NAV2: variants seen among roughly 807,000 people sequenced by gnomAD.
The protein encoded by NAV2 is neuron navigator 2, also known as helicase, APC down-regulated 1.
NAV2 carries 54 observed loss-of-function variants against 223.2 expected under a neutral mutation model. The ratio of observed to expected loss-of-function variants is 0.24; its 90% confidence interval spans 0.19 to 0.30. The LOEUF (loss-of-function observed/expected upper bound fraction) is 0.30, where lower values mean the gene tolerates loss of function less well. NAV2 is among the 10% of genes least tolerant of loss of function. The pLI is 1.00. For missense variants in NAV2, 2,806 were observed against 3,147.5 expected (o/e 0.89, Z 2.60); for synonymous variants, 1,279 against 1,239.3 (o/e 1.03, Z -0.67).
In NAV2 at chr11:20,055,905, G is replaced by A; in HGVS notation, c.4779G>A (p.Glu1593=). The A allele has an allele frequency of 6.2e-7, 1 of 1,614,216 alleles. No homozygotes were observed. Among genetic ancestry groups the A allele is most frequent in the Non-Finnish European group, 8.5e-7 (1 of 1,180,040 alleles). The change falls in exon 19 of 38, where the codon GAG becomes GAA. Residue 1593 remains glutamate, a synonymous_variant. Transcript: ENST00000349880. The part of the protein sequence containing the change: ...RFRNSSMSLD[E]KSRTMSRSGS... The stretch of plus-strand genomic sequence containing the variant: ...GGAATAGCTCCATGTCCCTGGATGA[G>A]AAGAGCAGAACCATGAGCCGTTCAG...
At chr11:19,514,587 G>A (rs943414455) in intron 1 of NAV2, among the ~76,000 whole-genome samples, 1 of 152,102 alleles carries the variant, frequency 6.6e-6, no homozygotes, top group African/African-American at 2.4e-5. Context: ...TTGAAGGTGT[G>A]TTTGACATTT....
chr11:19,617,918 C>G (rs2135386654), intron 1 of NAV2, among the ~76,000 whole-genome samples: 2 of 152,326 alleles, frequency 1.3e-5, no homozygotes, highest in East Asian at 3.9e-4. Flanking sequence ...TTGCAGAACC[C>G]AGAACCCTCT....
chr11:19,960,357 C>G (rs538082229), intron 10 of NAV2, among the ~76,000 whole-genome samples: 2 of 152,270 alleles, frequency 1.3e-5, no homozygotes, highest in African/African-American at 4.8e-5. Context: ...GGCATCTTAT[C>G]TAACTCCCAC....
chr11:19,831,230 G>C lies in NAV2; in HGVS notation c.268-1254G>C, dbSNP rs571521065. 1.8e-4 allele frequency among the ~76,000 whole-genome samples: 16 copies of C among 89,790 alleles called. 3 individuals are homozygous for C. In the South Asian group the frequency reaches 2.1e-3, roughly 12 times the overall value. The allele number at this position is 89,790 out of a possible 152,430, so 58.9% of individuals were successfully genotyped here. On this transcript the variant is annotated intron_variant, in intron 1 of 37. Coordinates refer to ENST00000349880, the MANE Select transcript of NAV2 (RefSeq NM_145117.5). ...CCCATTCCAGGAGTGTTGCGGGGGG[G>C]GGGGGGGCGCGATGGGGAGTGGGGG...
intron 10 of NAV2, among the ~76,000 whole-genome samples, chr11:19,982,109 G>C (rs2050346838): frequency 6.6e-6 from 1 of 152,142 alleles, no homozygotes; most frequent in Admixed American, 6.5e-5. Flanking sequence ...TTTAGTGTGA[G>C]AGACATGCAT....
intron 1 of NAV2, among the ~76,000 whole-genome samples, chr11:19,502,387 C>T (rs1281979057): frequency 6.6e-6 from 1 of 152,146 alleles, no homozygotes; most frequent in Non-Finnish European, 1.5e-5. Flanking sequence ...AGCCAAAGAA[C>T]TCTACTGACA....
chr11:19,514,189 C>T (rs974333744), intron 1 of NAV2, among the ~76,000 whole-genome samples: 6 of 152,012 alleles, frequency 3.9e-5, no homozygotes, highest in African/African-American at 1.2e-4. Flanking sequence ...CATCATGATG[C>T]TTTTGTGCAG....
At position 19,630,808 on chromosome 11, in the gene NAV2, C is replaced by T. The variant is rs1215775833; in HGVS notation, c.76-201676C>T. Among the ~76,000 whole-genome samples the T allele has an allele frequency of 2.0e-5, 3 of 151,050 alleles. No homozygotes were observed. The East Asian group carries it at 5.9e-4, about 30-fold the overall frequency. On this transcript the variant is annotated intron_variant, in intron 1 of 37. Coordinates refer to the NAV2 transcript ENST00000360655. ...AGAGGATTGCTTGAGCCTGGGAGGTCGAGGCTGCAGTGAGCCGAGATTTCA... is the reference window on the plus strand; with the variant it reads ...AGAGGATTGCTTGAGCCTGGGAGGTTGAGGCTGCAGTGAGCCGAGATTTCA...
chr11:19,764,980 C>T (rs566008377), intron 1 of NAV2, among the ~76,000 whole-genome samples: 25 of 152,306 alleles, frequency 1.6e-4, no homozygotes, highest in Non-Finnish European at 3.1e-4. Context: ...CTTCACCACA[C>T]TCACTGCTAC....
intron 1 of NAV2, among the ~76,000 whole-genome samples, chr11:19,378,179 G>C (rs1024367188): frequency 4.6e-5 from 7 of 152,186 alleles, no homozygotes; most frequent in Non-Finnish European, 1.0e-4. Context: ...CGCTTCTGCT[G>C]TCACAGCCCC....
intron 1 of NAV2, among the ~76,000 whole-genome samples, chr11:19,362,816 T>C (rs927790038): frequency 3.9e-5 from 6 of 152,244 alleles, no homozygotes; most frequent in African/African-American, 1.4e-4. Context: ...AACATGTTAA[T>C]AACATTTAGA....
At chr11:19,617,436 G>C (rs1032878581) in intron 1 of NAV2, among the ~76,000 whole-genome samples, 1 of 152,226 alleles carries the variant, frequency 6.6e-6, no homozygotes. Flanking sequence ...GTCTGGTAAT[G>C]GGGGGATAAC....
chr11:19,350,203 G>T (rs966940059), upstream of NAV2, among the ~76,000 whole-genome samples: 5 of 152,172 alleles, frequency 3.3e-5, no homozygotes, highest in Admixed American at 2.6e-4. Context: ...GAGCCCGTGA[G>T]GCCCCTGGAG....
chr11:19,475,696 A>G lies in NAV2; in HGVS notation c.75+124669A>G, dbSNP rs538688677. Among the ~76,000 whole-genome samples, 6 of 152,332 alleles carry G rather than the reference A, an allele frequency of 3.9e-5. No individual in the cohort carries two copies. The South Asian group carries it at 1.2e-3, about 32-fold the overall frequency. On this transcript the variant is annotated intron_variant, in intron 1 of 37. Coordinates refer to the NAV2 transcript ENST00000360655. ...TGCCTACCACTGCCAGAGAGTGCCT[A>G]GTGCTTGGCCATCCATGGAGAGGAA...
At chr11:19,878,095 A>G (rs2062967315) in intron 4 of NAV2, among the ~76,000 whole-genome samples, 1 of 152,162 alleles carries the variant, frequency 6.6e-6, no homozygotes, top group African/African-American at 2.4e-5. Context: ...CACACATCAC[A>G]CAGAGTGGTT....
intron 11 of NAV2, among the ~76,000 whole-genome samples, chr11:20,016,181 C>A (rs939712195): frequency 2.0e-5 from 3 of 152,264 alleles, no homozygotes; most frequent in East Asian, 3.9e-4. Flanking sequence ...GGAAATGCTG[C>A]CATTTTGGAG....
At chr11:20,098,425 T>C (rs980019996) in intron 31 of NAV2, among the ~76,000 whole-genome samples, 2 of 152,250 alleles carry the variant, frequency 1.3e-5, no homozygotes, top group African/African-American at 4.8e-5. Flanking sequence ...CTGTCCCAAA[T>C]GTATTTGATT....
At chr11:20,099,137 G>A (rs1365502662) in intron 31 of NAV2, among the ~76,000 whole-genome samples, 1 of 152,216 alleles carries the variant, frequency 6.6e-6, no homozygotes, top group East Asian at 1.9e-4. Flanking sequence ...ATTTGGGTTG[G>A]TGGAAGAGCT....
At chr11:19,525,438 A>G (rs1438055336) in intron 1 of NAV2, among the ~76,000 whole-genome samples, 1 of 152,180 alleles carries the variant, frequency 6.6e-6, no homozygotes, top group Non-Finnish European at 1.5e-5. Context: ...AGTGAAATAG[A>G]AGAGGGGGTG....
Sources: gnomAD v4.1 joint callset for allele counts (sites outside exome capture counted in the v4.1 genomes callset) on GRCh38, gnomAD v4.1.1 for gene constraint, MANE v1.5 for transcripts, NCBI Gene and HGNC (gene_info 2026-07-23, HGNC 2026-07-21) for gene names.